PDE6G: variants seen among roughly 807,000 people sequenced by gnomAD.
The protein encoded by PDE6G is rod cGMP 3',5'-cyclic phosphodiesterase subunit gamma.
Under a neutral mutation model 10.9 loss-of-function variants are expected in PDE6G, and 10 were observed. The observed-to-expected ratio is 0.91, with a 90% confidence interval of 0.56 to 1.55. The LOEUF is 1.55. Among genes scored for constraint, PDE6G ranks in the 40% most tolerant of loss-of-function variants. The probability of loss-of-function intolerance (pLI) is 0.00; values close to 1 mark genes in which losing one functional copy is unlikely to be tolerated. For missense variants in PDE6G, 102 were observed against 110.1 expected (o/e 0.93, Z 0.33); for synonymous variants, 41 against 42.8 (o/e 0.96, Z 0.16).
upstream of PDE6G, among the ~76,000 whole-genome samples, chr17:81,657,423 A>T (rs2036461177): frequency 6.6e-6 from 1 of 152,226 alleles, no homozygotes; most frequent in South Asian, 2.1e-4. Flanking sequence ...CCAAAGTTTT[A>T]GACAAAGATT....
chr17:81,659,472 G>A (rs908168915), upstream of PDE6G, among the ~76,000 whole-genome samples: 5 of 151,054 alleles, frequency 3.3e-5, no homozygotes, highest in African/African-American at 4.8e-5. Flanking sequence ...GGTGGCGGGC[G>A]CCTGTAGTCC....
intron 1 of PDE6G, among the ~76,000 whole-genome samples, chr17:81,655,314 A>C (rs2036429452): frequency 6.6e-6 from 1 of 152,104 alleles, no homozygotes. Flanking sequence ...CCCCAACCCC[A>C]CTTCATAGAG....
rs757755619 is a variant in PDE6G at position 81,651,737 on chromosome 17, C to T, written c.147-52G>A. The T allele has an allele frequency of 4.4e-6, 7 of 1,592,564 alleles. No homozygotes were observed. In the Admixed American group the frequency reaches 1.2e-4, roughly 27 times the overall value. ...TGGCCGGGCCCAGTCCTGGCTCAGTCAGCCTGAGGCCCGAGGTCATCTCTA... is the reference window on the plus strand; with the variant it reads ...TGGCCGGGCCCAGTCCTGGCTCAGTTAGCCTGAGGCCCGAGGTCATCTCTA... On this transcript the variant is annotated intron_variant, in intron 2 of 3. Coordinates refer to ENST00000331056, the MANE Select transcript of PDE6G (RefSeq NM_002602.4). The surrounding 1 kb of genome is among the most constrained non-coding windows in gnomAD (Gnocchi z 4.8).
In PDE6G at chr17:81,650,841, A is replaced by G. The variant is rs8908; in HGVS notation, c.*233T>C. On this transcript the variant is annotated 3_prime_UTR_variant, in exon 4 of 4. Coordinates refer to ENST00000331056, the MANE Select transcript of PDE6G (RefSeq NM_002602.4). ...GGGCAGGACTGAGGGGTGGGCCTGT[A>G]TCTCCAGATGTTGAGCAGGGCCTGG... 0.49 allele frequency: 299,256 copies of G among 614,866 alleles called. 81,892 individuals carry two copies. Among genetic ancestry groups the G allele is most frequent in the East Asian group, 1 (30,350 of 30,438 alleles). 38.1% of individuals were successfully genotyped at this position (614,866 alleles called of 1,614,324 possible). A position where few individuals can be genotyped will look rare whatever the true frequency, so the allele number is the denominator to read the frequency against.
chr17:81,662,474 T>C (rs2036521605), intron 1 of PDE6G, among the ~76,000 whole-genome samples: 1 of 152,036 alleles, frequency 6.6e-6, no homozygotes, highest in South Asian at 2.1e-4. Context: ...AATATAAAAA[T>C]TAGCCAGACG....
chr17:81,654,440 C>T (rs1346873788), intron 1 of PDE6G, among the ~76,000 whole-genome samples: 2 of 139,612 alleles, frequency 1.4e-5, no homozygotes, highest in African/African-American at 5.5e-5. Flanking sequence ...AGTGCAGTGG[C>T]GAGATCTTGG....
chr17:81,659,949 G>T (rs11868771), upstream of PDE6G, among the ~76,000 whole-genome samples: 5,742 of 152,234 alleles, frequency 0.038, 364 homozygotes, highest in African/African-American at 0.13. Flanking sequence ...GCCGGGCGTG[G>T]TGGTGCATGC....
In PDE6G at chr17:81,651,465, C is replaced by A. The variant is rs2036353630; in HGVS notation, c.187+180G>T. On this transcript the variant is annotated intron_variant, in intron 3 of 3. Coordinates refer to ENST00000331056, the MANE Select transcript of PDE6G (RefSeq NM_002602.4). This position sits in a 1 kb window ranked among gnomAD's most constrained non-coding sequence, Gnocchi z 4.8. ...TGTCCCAAATGGGGACAGCCCCACC[C>A]TCTAGATCCAGTGGATCTGGAGCTC... is the stretch of plus-strand genomic sequence containing the variant. Among the ~76,000 whole-genome samples the A allele has an allele frequency of 6.6e-6, 1 of 151,868 alleles. No homozygotes were observed. Among genetic ancestry groups the A allele is most frequent in the Admixed American group, 6.6e-5 (1 of 15,244 alleles).
Position 81,653,267 on chromosome 17 carries a change from G to A in PDE6G, c.39C>T (p.Ala13=), listed in dbSNP as rs2144401673. 1 of 1,614,028 alleles carries A rather than the reference G, an allele frequency of 6.2e-7. No homozygotes were observed. The highest frequency in any genetic ancestry group is 8.5e-7 in the Non-Finnish European group (1 of 1,180,010). Residue 13 remains alanine, a synonymous_variant, in exon 2 of 4, where the codon GCC becomes GCT. Transcript: ENST00000331056. The surrounding 1 kb of genome is among the most constrained non-coding windows in gnomAD (Gnocchi z 5.2). ...LEPPKAEFRS[A]TRVAGGPVTP... is the part of the protein sequence containing the mutation. ...TGACAGGTCCCCCGGCCACCCTGGT[G>A]GCTGACCGGAACTCAGCCTTGGGCG...
At chr17:81,658,190 T>G (rs1255424682), upstream of PDE6G, among the ~76,000 whole-genome samples, 1 of 151,886 alleles carries the variant, frequency 6.6e-6, no homozygotes, top group South Asian at 2.1e-4. Context: ...GTTCAAGTGA[T>G]TCTCCTGCCT....
chr17:81,654,978 C>T (rs1277814577), intron 1 of PDE6G, among the ~76,000 whole-genome samples: 4 of 151,486 alleles, frequency 2.6e-5, no homozygotes, highest in Non-Finnish European at 4.4e-5. Context: ...AGGATGGTCT[C>T]GATCTCCTGA....
At chr17:81,655,404 C>T (rs1052643662) in intron 1 of PDE6G, among the ~76,000 whole-genome samples, 2 of 152,238 alleles carry the variant, frequency 1.3e-5, no homozygotes, top group African/African-American at 4.8e-5. Context: ...CTCTCTGTGT[C>T]TGGAGTCAGC....
chr17:81,653,714 G>T lies in PDE6G; in HGVS notation c.-59-350C>A. The T allele has an allele frequency of 4.3e-6, 1 of 231,552 alleles. No homozygotes were observed. The highest frequency in any genetic ancestry group is 6.7e-5 in the South Asian group (1 of 14,922). 14.3% of individuals were successfully genotyped at this position (231,552 alleles called of 1,614,324 possible). On this transcript the variant is annotated intron_variant, in intron 1 of 3. Coordinates refer to ENST00000331056, the MANE Select transcript of PDE6G (RefSeq NM_002602.4). The surrounding 1 kb of genome is among the most constrained non-coding windows in gnomAD (Gnocchi z 5.2). ...CTGGAGTCCTCACCACCTCCCTGTG[G>T]GTGACCACTGACAACTTCCTGCCCC... is the stretch of plus-strand genomic sequence containing the variant.
At chr17:81,658,028 C>T (rs539505534), upstream of PDE6G, among the ~76,000 whole-genome samples, 23 of 130,252 alleles carry the variant, frequency 1.8e-4, no homozygotes, top group African/African-American at 7.1e-4. Flanking sequence ...ATAGTGAGAC[C>T]CCCCCATCTC....
At chr17:81,656,951 C>T (rs2036454777), upstream of PDE6G, 4 of 323,170 alleles carry the variant, frequency 1.2e-5, no homozygotes, top group South Asian at 1.3e-4. Flanking sequence ...AGGGCCTTTG[C>T]ACCTGCTGCT....
At chr17:81,660,278 T>C (rs2036497910), upstream of PDE6G, among the ~76,000 whole-genome samples, 1 of 151,642 alleles carries the variant, frequency 6.6e-6, no homozygotes, top group South Asian at 2.1e-4. Flanking sequence ...CCAGGCGTGG[T>C]GGCAGGTGCC....
At chr17:81,660,520 G>C (rs889559442), upstream of PDE6G, among the ~76,000 whole-genome samples, 1 of 152,170 alleles carries the variant, frequency 6.6e-6, no homozygotes, top group African/African-American at 2.4e-5. Context: ...TGTGTATAAA[G>C]ACTATAAACT....
intron 1 of PDE6G, among the ~76,000 whole-genome samples, chr17:81,662,406 T>C (rs2036520705): frequency 6.6e-6 from 1 of 152,142 alleles, no homozygotes; most frequent in Admixed American, 6.6e-5. Context: ...GCAGATGGCT[T>C]GAGGTCAGGA....
upstream of PDE6G, among the ~76,000 whole-genome samples, chr17:81,657,612 G>A (rs897409375): frequency 6.6e-6 from 1 of 152,164 alleles, no homozygotes; most frequent in Non-Finnish European, 1.5e-5. Context: ...CTGGTGTGGT[G>A]GCTCATGCCT....
Sources: gnomAD v4.1 joint callset for allele counts (sites outside exome capture counted in the v4.1 genomes callset) on GRCh38, gnomAD v4.1.1 for gene constraint, Gnocchi (gnomAD v3.1) non-coding constraint, MANE v1.5 for transcripts, NCBI Gene and HGNC (gene_info 2026-07-23, HGNC 2026-07-21) for gene names.